The following DOCK1 variants were observed in gnomAD, a reference collection of about 807,000 sequenced individuals.
DOCK1 encodes dedicator of cytokinesis 1.
Under a neutral mutation model 262.7 loss-of-function variants are expected in DOCK1, and 138 were observed. The observed-to-expected ratio is 0.53, with a 90% CI of 0.46 to 0.61. The LOEUF (loss-of-function observed/expected upper bound fraction) is 0.61, where lower values mean the gene tolerates loss of function less well. Among genes scored for constraint, DOCK1 ranks in the 20% least tolerant of loss-of-function variants. DOCK1 has a pLI of 0.00. For missense variants in DOCK1, 1,908 were observed against 2,370.7 expected (o/e 0.80, Z 4.05); for synonymous variants, 866 against 867.4 (o/e 1.00, Z 0.03).
chr10:127,296,183 C>T (rs189476546), intron 29 of DOCK1, among the ~76,000 whole-genome samples: 361 of 152,268 alleles, frequency 2.4e-3, no homozygotes, highest in Middle Eastern at 3.4e-3. Context: ...CTGACTGTGC[C>T]GCATGCCATT....
intron 32 of DOCK1, among the ~76,000 whole-genome samples, chr10:127,358,616 G>C (rs935176943): frequency 1.3e-5 from 2 of 152,158 alleles, no homozygotes; most frequent in Non-Finnish European, 2.9e-5. Flanking sequence ...CACCGCGTTG[G>C]GTTTGGGATA....
chr10:127,380,450 A>G (rs1018307270), intron 36 of DOCK1, among the ~76,000 whole-genome samples: 5 of 152,210 alleles, frequency 3.3e-5, no homozygotes, highest in African/African-American at 1.2e-4. Flanking sequence ...GTTTCACAGT[A>G]AGTTATATGA....
chr10:127,261,255 GCA>G (rs2060083122), intron 29 of DOCK1, among the ~76,000 whole-genome samples: 1 of 140,810 alleles, frequency 7.1e-6, no homozygotes, highest in Non-Finnish European at 1.5e-5. Context: ...GCATGTGTGT[GCA>G]TGTGGGTGTG....
At chr10:127,263,079 A>G (rs989708207) in intron 29 of DOCK1, among the ~76,000 whole-genome samples, 1 of 152,194 alleles carries the variant, frequency 6.6e-6, no homozygotes, top group African/African-American at 2.4e-5. Flanking sequence ...TTTTGTCTTT[A>G]TTCGAGTGTC....
intron 23 of DOCK1, among the ~76,000 whole-genome samples, chr10:127,088,571 C>G (rs2136074984): frequency 6.6e-6 from 1 of 152,198 alleles, no homozygotes; most frequent in South Asian, 2.1e-4. Flanking sequence ...TTAAGTAACT[C>G]ACAATGTGTT....
In DOCK1 at chr10:127,133,759, G is replaced by T. The variant is rs2050469278; in HGVS notation, c.2847+5995G>T. ...TTTTTGCGCAACTTAAAATGACCTT[G>T]TCATTGACCAAAATGTATAGGATCC... On this transcript the variant is annotated intron_variant, in intron 27 of 51. Transcript: ENST00000623213. 2.0e-5 allele frequency among the ~76,000 whole-genome samples: 3 copies of T among 152,184 alleles called. 1 individual carries two copies. The highest frequency in any genetic ancestry group is 2.0e-4 in the Admixed American group (3 of 15,286).
intron 40 of DOCK1, among the ~76,000 whole-genome samples, chr10:127,407,949 G>A (rs1275814777): frequency 2.0e-5 from 3 of 152,234 alleles, no homozygotes; most frequent in African/African-American, 7.2e-5. Flanking sequence ...GATGGGTGGG[G>A]GGAGGCAGAA....
intron 1 of DOCK1, among the ~76,000 whole-genome samples, chr10:126,925,621 A>G (rs550665018): frequency 6.6e-6 from 1 of 152,148 alleles, no homozygotes; most frequent in East Asian, 1.9e-4. Context: ...TGATCTCGTG[A>G]TCCGCCTGCC....
intron 25 of DOCK1, among the ~76,000 whole-genome samples, chr10:127,119,726 A>G (rs1300606236): frequency 6.6e-6 from 1 of 152,216 alleles, no homozygotes; most frequent in Admixed American, 6.5e-5. Flanking sequence ...TGGATCATTT[A>G]TTTAATGTGA....
In DOCK1 at chr10:127,362,933, A is replaced by C. The variant is rs202197686; in HGVS notation, c.3432+721A>C. Among the ~76,000 whole-genome samples, 54 of 71,728 alleles carry C rather than the reference A, an allele frequency of 7.5e-4. 1 individual carries two copies. Among genetic ancestry groups the C allele is most frequent in the African/African-American group, 3.5e-3 (48 of 13,850 alleles). 47.1% of individuals were successfully genotyped at this position (71,728 alleles called of 152,430 possible). A position where few individuals can be genotyped will look rare whatever the true frequency, so the allele number is the denominator to read the frequency against. ...TCCACACACACATATACACATGCAC[A>C]TCCCCCCACACACATACACATGTGC... On this transcript the variant is annotated intron_variant, in intron 33 of 51. Coordinates refer to ENST00000623213, the MANE Select transcript of DOCK1 (RefSeq NM_001290223.2).
At chr10:127,126,605 C>A (rs983487235) in intron 26 of DOCK1, among the ~76,000 whole-genome samples, 1 of 152,140 alleles carries the variant, frequency 6.6e-6, no homozygotes, top group Admixed American at 6.6e-5. Flanking sequence ...TTTGTGCCAG[C>A]ACATATGGAA....
At chr10:127,127,464 C>CA in intron 26 of DOCK1, among the ~76,000 whole-genome samples, 1 of 152,306 alleles carries the variant, frequency 6.6e-6, no homozygotes, top group South Asian at 2.1e-4. Flanking sequence ...ATATATGTAA[C>CA]AAATTATCAT....
intron 27 of DOCK1, among the ~76,000 whole-genome samples, chr10:127,239,467 CT>C (rs1373683701): frequency 2.0e-5 from 3 of 152,026 alleles, no homozygotes; most frequent in African/African-American, 7.2e-5. Flanking sequence ...GACATTTCTC[CT>C]TAATACATCA....
At chr10:127,315,003 G>T (rs962576194) in intron 29 of DOCK1, among the ~76,000 whole-genome samples, 2 of 152,226 alleles carry the variant, frequency 1.3e-5, no homozygotes, top group Non-Finnish European at 2.9e-5. Context: ...GGGAGTGCCT[G>T]CAGGGGAAGG....
chr10:127,132,743 C>T (rs921500894), intron 27 of DOCK1, among the ~76,000 whole-genome samples: 2 of 152,102 alleles, frequency 1.3e-5, no homozygotes, highest in Non-Finnish European at 2.9e-5. Flanking sequence ...CTGTGATACG[C>T]GCTGCTGTTG....
rs562441137 is a variant in DOCK1, at chr10:127,261,550, C to A, written c.3044+4121C>A. Among the ~76,000 whole-genome samples, 10 of 78,594 alleles carry A rather than the reference C, an allele frequency of 1.3e-4. No homozygotes were observed. The South Asian group carries it at 4.4e-3, about 35-fold the overall frequency. The allele number at this position is 78,594 out of a possible 152,430, so 51.6% of individuals were successfully genotyped here. A position where few individuals can be genotyped will look rare whatever the true frequency, so the allele number is the denominator to read the frequency against. On this transcript the variant is annotated intron_variant, in intron 29 of 51. Coordinates refer to ENST00000623213, the MANE Select transcript of DOCK1 (RefSeq NM_001290223.2). ...GTGTGTGCATGTGGGTGTGTGTGTA[C>A]CCGTGCTCATCTGTGTGTGTACCTG...
chr10:127,014,699 C>T (rs2041727097), intron 12 of DOCK1, among the ~76,000 whole-genome samples: 1 of 152,196 alleles, frequency 6.6e-6, no homozygotes. Flanking sequence ...CTCTTAGCTG[C>T]ATCCTGGTGT....
At chr10:127,059,576 G>T (rs1423691442) in intron 22 of DOCK1, among the ~76,000 whole-genome samples, 1 of 151,984 alleles carries the variant, frequency 6.6e-6, no homozygotes, top group Non-Finnish European at 1.5e-5. Flanking sequence ...TCTCTATTTT[G>T]TTAATCCATC....
At chr10:127,101,874 C>T (rs568003465) in intron 23 of DOCK1, among the ~76,000 whole-genome samples, 4 of 152,248 alleles carry the variant, frequency 2.6e-5, no homozygotes, top group East Asian at 1.9e-4. Flanking sequence ...AACGAGAGAC[C>T]GGGAGACTGA....
Sources: allele counts gnomAD v4.1 joint callset (sites outside exome capture counted in the v4.1 genomes callset), GRCh38; gene constraint gnomAD v4.1.1; transcripts MANE v1.5; gene names NCBI Gene and HGNC (gene_info 2026-07-23, HGNC 2026-07-21).